SLTM: variants seen among roughly 807,000 people sequenced by gnomAD.
SLTM encodes SAFB-like transcription modulator.
Under a neutral mutation model 134.6 loss-of-function variants are expected in SLTM, and 43 were observed. The ratio of observed to expected loss-of-function variants is 0.32; its 90% CI spans 0.25 to 0.41. SLTM has a LOEUF of 0.41. SLTM is among the 10% of genes least tolerant of loss of function. SLTM has a pLI of 1.00. For missense variants in SLTM, 1,055 were observed against 1,288.8 expected, an observed-to-expected ratio of 0.82 and a Z score of 2.78; for synonymous variants, 424 against 432.3, an observed-to-expected ratio of 0.98 and a Z score of 0.24.
intron 5 of SLTM, 33 bp downstream of exon 5, chr15:58,912,530 A>T (rs536313022): frequency 6.3e-7 from 1 of 1,583,452 alleles, no homozygotes; most frequent in African/African-American, 1.3e-5. Context: ...TCCACCCACA[A>T]TATCGAATTC....
rs1354350509 is a variant in SLTM at position 58,930,955 on chromosome 15, T to C, written c.250+1401A>G. Among the ~76,000 whole-genome samples the C allele has an allele frequency of 2.6e-5, 4 of 152,166 alleles. No individual in the cohort carries two copies. The East Asian group carries it at 5.8e-4, about 22-fold the overall frequency. On this transcript the variant is annotated intron_variant, in intron 2 of 20. Coordinates refer to ENST00000380516, the MANE Select transcript of SLTM (RefSeq NM_024755.4). ...ATGTTTATTTTCAATGCTAAAATAA[T>C]AGTCAACTCAAACAACCTGGGACTA...
Position 58,899,435 on chromosome 15 carries a change from C to A in SLTM, c.1058+34G>T. 1 of 1,551,236 alleles carries A rather than the reference C, an allele frequency of 6.4e-7. No homozygotes were observed. Among genetic ancestry groups the A allele is most frequent in the Non-Finnish European group, 8.9e-7 (1 of 1,125,538 alleles). ...AGTGATCTTATTGAATGCTGGAATTCAGTATCGTAAAGAACTGACATAGAA... is the reference window on the plus strand; with the variant it reads ...AGTGATCTTATTGAATGCTGGAATTAAGTATCGTAAAGAACTGACATAGAA... On this transcript the variant is annotated intron_variant, in intron 7 of 20. Transcript: ENST00000380516. This position sits in a 1 kb window ranked among gnomAD's most constrained non-coding sequence, Gnocchi z 5.0.
intron 5 of SLTM, among the ~76,000 whole-genome samples, chr15:58,904,581 G>A (rs560120761): frequency 1.4e-5 from 2 of 141,056 alleles, no homozygotes; most frequent in African/African-American, 5.4e-5. Flanking sequence ...GTCTCACTCC[G>A]TCAGCCCAGG....
chr15:58,925,071 G>GT (rs1451578983), intron 2 of SLTM, among the ~76,000 whole-genome samples: 33 of 64,358 alleles, frequency 5.1e-4, no homozygotes, highest in Non-Finnish European at 6.9e-4. Flanking sequence ...ACGATAAAAT[G>GT]TTAAAAAAAA....
At position 58,918,195 on chromosome 15, in the gene SLTM, A is replaced by T. The variant is rs193092169; in HGVS notation, c.251-1196T>A. ...ATCCTTAATGTACTAGAAATGCCAT[A>T]AAAAAAAGACATCTGCTGGAAGTTT... On this transcript the variant is annotated intron_variant, in intron 2 of 20. Transcript: ENST00000380516. Among the ~76,000 whole-genome samples, 70 of 152,062 alleles carry T rather than the reference A, an allele frequency of 4.6e-4. 1 individual carries two copies. The highest frequency in any genetic ancestry group is 5.4e-4 in the Non-Finnish European group (37 of 67,976).
intron 3 of SLTM, among the ~76,000 whole-genome samples, chr15:58,916,199 G>A (rs539690217): frequency 1.0e-4 from 14 of 138,934 alleles, no homozygotes; most frequent in South Asian, 4.4e-4. Flanking sequence ...TTTTTGAGAC[G>A]GAGTCTTGCT....
In SLTM at chr15:58,897,047, T is replaced by C. The variant is rs1201433576; in HGVS notation, c.1227+68A>G. ...ATTAGAAGATATTCATGTAATACTA[T>C]TTAGAATACAATCCTCATTTCAAAT... On this transcript the variant is annotated intron_variant, in intron 9 of 20. Transcript: ENST00000380516. The C allele has an allele frequency of 3.3e-6, 3 of 899,432 alleles. No individual in the cohort carries two copies. The African/African-American group carries it at 5.0e-5, about 15-fold the overall frequency. 55.7% of individuals were successfully genotyped at this position (899,432 alleles called of 1,614,324 possible). A position where few individuals can be genotyped will look rare whatever the true frequency, so the allele number is the denominator to read the frequency against.
intron 2 of SLTM, among the ~76,000 whole-genome samples, chr15:58,929,256 GC>G (rs1254913188): frequency 3.3e-5 from 5 of 152,160 alleles, no homozygotes; most frequent in Non-Finnish European, 1.5e-5. Flanking sequence ...TTCAAGACAA[GC>G]CTGACCAACT....
intron 2 of SLTM, among the ~76,000 whole-genome samples, chr15:58,930,136 A>C (rs1212549124): frequency 1.3e-5 from 2 of 150,802 alleles, no homozygotes; most frequent in Non-Finnish European, 3.0e-5. Flanking sequence ...TTTTTTTTTG[A>C]GATGGGGTCT....
chr15:58,899,606 C>T lies in SLTM; in HGVS notation c.921G>A (p.Lys307=), dbSNP rs779856135. 1 of 1,614,218 alleles carries T rather than the reference C, an allele frequency of 6.2e-7. No individual in the cohort carries two copies. Among genetic ancestry groups the T allele is most frequent in the South Asian group, 1.1e-5 (1 of 91,088 alleles). ...GGTCACCCTTCACGCAGTCTTCCTTCTTACCATCTTTATGGTTCGCATTCA... is the reference window on the plus strand; with the variant it reads ...GGTCACCCTTCACGCAGTCTTCCTTTTTACCATCTTTATGGTTCGCATTCA... ...YEMNANHKDG[K]KEDCVKGDPV... The change falls in exon 7 of 21, where the codon AAG becomes AAA. Residue 307 remains lysine (K), a synonymous_variant. Coordinates refer to ENST00000380516, the MANE Select transcript of SLTM (RefSeq NM_024755.4). This position sits in a 1 kb window ranked among gnomAD's most constrained non-coding sequence, Gnocchi z 5.0.
chr15:58,893,564 A>T (rs185382884), intron 12 of SLTM, among the ~76,000 whole-genome samples, 200 bp from the exon 13 acceptor site: 1 of 152,326 alleles, frequency 6.6e-6, no homozygotes, highest in Non-Finnish European at 1.5e-5. Flanking sequence ...ATACCAAAAG[A>T]TCCTAATTCA....
chr15:58,886,842 A>C, intron 19 of SLTM, 133 bp downstream of exon 19: 1 of 1,084,082 alleles, frequency 9.2e-7, no homozygotes, highest in East Asian at 2.6e-5. Flanking sequence ...TTTAAATAAA[A>C]AATTAATGCC....
chr15:58,921,038 T>C (rs914779311), intron 2 of SLTM, among the ~76,000 whole-genome samples: 1 of 152,212 alleles, frequency 6.6e-6, no homozygotes, highest in African/African-American at 2.4e-5. Context: ...AATTGCATAG[T>C]ATGCACACTC....
intron 5 of SLTM, among the ~76,000 whole-genome samples, chr15:58,902,257 A>C: frequency 6.6e-6 from 1 of 152,286 alleles, no homozygotes; most frequent in African/African-American, 2.4e-5. Context: ...TATTTTTTAG[A>C]GACAAGTCTT....
In SLTM at chr15:58,922,527, C is replaced by A. The variant is rs148655568; in HGVS notation, c.251-5528G>T. ...ATATTATATACGTATAAAATTTATA[C>A]GTATATAATATATTTTATATGTATA... On this transcript the variant is annotated intron_variant, in intron 2 of 20. Coordinates refer to ENST00000380516, the MANE Select transcript of SLTM (RefSeq NM_024755.4). Among the ~76,000 whole-genome samples, 1,140 of 128,792 alleles carry A rather than the reference C, an allele frequency of 8.9e-3. 16 individuals carry two copies. The highest frequency in any genetic ancestry group is 0.034 in the Middle Eastern group (8 of 232). 84.5% of individuals were successfully genotyped at this position (128,792 alleles called of 152,430 possible). A position where few individuals can be genotyped will look rare whatever the true frequency, so the allele number is the denominator to read the frequency against.
intron 2 of SLTM, 132 bp downstream of exon 2, chr15:58,932,224 G>A: frequency 1.5e-6 from 1 of 684,958 alleles, no homozygotes; most frequent in Non-Finnish European, 2.6e-6. Context: ...TTTCTTCCTT[G>A]ACCCAAGAAG....
intron 8 of SLTM, chr15:58,898,514 GTATC>G (rs2035253133): frequency 4.5e-6 from 1 of 224,210 alleles, no homozygotes; most frequent in African/African-American, 2.3e-5. Context: ...ATGTAAGAAA[GTATC>G]TATTAATATT....
In SLTM at chr15:58,932,450, T is replaced by A. The variant is rs372907224; in HGVS notation, c.163-7A>T. 3.8e-6 allele frequency: 6 copies of A among 1,586,278 alleles called. No individual in the cohort carries two copies. The East Asian group carries it at 8.9e-5, about 24-fold the overall frequency. ...CTCCTTCCTCTTCAATAGCCTACAT[T>A]AGAAAGAGAAGTTAATATGCTACAC... On this transcript the variant is annotated splice_region_variant and splice_polypyrimidine_tract_variant and intron_variant, in intron 1 of 20. Transcript: ENST00000380516.
intron 13 of SLTM, 75 bp downstream of exon 13, chr15:58,893,204 G>T: frequency 1.4e-6 from 2 of 1,445,560 alleles, no homozygotes; most frequent in South Asian, 1.2e-5. Context: ...ACGCAAAGAT[G>T]GTTATGGAAA....
Sources: gnomAD v4.1 joint callset for allele counts (sites outside exome capture counted in the v4.1 genomes callset) on GRCh38, gnomAD v4.1.1 for gene constraint, Gnocchi (gnomAD v3.1) non-coding constraint, MANE v1.5 for transcripts, NCBI Gene and HGNC (gene_info 2026-07-23, HGNC 2026-07-21) for gene names.